PICALM: variants seen among roughly 807,000 people sequenced by gnomAD.
PICALM encodes the protein phosphatidylinositol-binding clathrin assembly protein.
In PICALM, 40 loss-of-function variants were observed where a neutral mutation model predicts 80.5. That is an observed-to-expected ratio of 0.50 (90% confidence interval 0.39 to 0.65). The LOEUF is 0.65. Among genes scored for constraint, PICALM ranks in the 30% least tolerant of loss-of-function variants. The pLI is 0.00. For missense variants in PICALM, 676 were observed against 778.9 expected (o/e 0.87, Z 1.57); for synonymous variants, 288 against 260.3 (o/e 1.11, Z -1.02).
At chr11:85,982,290 A>T (rs1565277974) in intron 14 of PICALM, 2 of 263,600 alleles carry the variant, frequency 7.6e-6, no homozygotes, top group South Asian at 1.3e-4. Flanking sequence ...GAAAAAAAAC[A>T]AATGTAATTC....
At chr11:86,049,052 G>A (rs901351989) in intron 1 of PICALM, among the ~76,000 whole-genome samples, 17 of 152,138 alleles carry the variant, frequency 1.1e-4, no homozygotes, top group Admixed American at 6.5e-4. Flanking sequence ...CAGCACTTTG[G>A]AAGACCAAGG....
At chr11:86,001,995 T>C (rs1307487598) in intron 9 of PICALM, among the ~76,000 whole-genome samples, 5 of 152,198 alleles carry the variant, frequency 3.3e-5, no homozygotes, top group Admixed American at 3.3e-4. Context: ...AAACTACCTT[T>C]TAAATTTTAT....
intron 9 of PICALM, 85 bp from the exon 10 acceptor site, chr11:86,001,243 C>A: frequency 7.8e-7 from 1 of 1,274,152 alleles, no homozygotes. Flanking sequence ...GGCAACCTTG[C>A]CATGGATAGG....
chr11:86,039,796 G>A (rs900605007), intron 1 of PICALM, among the ~76,000 whole-genome samples: 2 of 152,026 alleles, frequency 1.3e-5, no homozygotes, highest in Admixed American at 6.6e-5. Flanking sequence ...GAGGTCAGGA[G>A]AGCGAGACCA....
intron 1 of PICALM, among the ~76,000 whole-genome samples, chr11:86,037,259 A>ATTTTTTT (rs763255182): frequency 9.4e-6 from 1 of 106,044 alleles, no homozygotes; most frequent in Non-Finnish European, 1.8e-5. Context: ...AAAAAAGAAA[A>ATTTTTTT]TTTTTTTTTT....
intron 18 of PICALM, among the ~76,000 whole-genome samples, chr11:85,975,138 T>G (rs1223699407): frequency 6.6e-6 from 1 of 152,218 alleles, no homozygotes; most frequent in Admixed American, 6.5e-5. Context: ...TTATCAGGTT[T>G]AGACATCAAG....
intron 6 of PICALM, 147 bp from the exon 7 acceptor site, chr11:86,011,283 G>T (rs1308965416): frequency 1.1e-5 from 6 of 542,930 alleles, no homozygotes; most frequent in Non-Finnish European, 1.9e-5. Flanking sequence ...GTTAGCTTAG[G>T]TATTTAAAGC....
intron 14 of PICALM, among the ~76,000 whole-genome samples, chr11:85,982,707 G>C (rs1170175608): frequency 6.6e-6 from 1 of 151,496 alleles, no homozygotes; most frequent in African/African-American, 2.4e-5. Flanking sequence ...GATTACAGGC[G>C]TGAGCCACCG....
intron 1 of PICALM, among the ~76,000 whole-genome samples, chr11:86,047,135 T>C (rs576326159): frequency 6.6e-6 from 1 of 152,220 alleles, no homozygotes; most frequent in East Asian, 1.9e-4. Context: ...GCAGGATAGA[T>C]GAAGACACAC....
At chr11:86,059,705 T>G (rs548018550) in intron 1 of PICALM, among the ~76,000 whole-genome samples, 26 of 152,136 alleles carry the variant, frequency 1.7e-4, no homozygotes, top group Non-Finnish European at 3.8e-4. Flanking sequence ...AGAGTTACAG[T>G]AAGCCATGAT....
intron 16 of PICALM, among the ~76,000 whole-genome samples, 183 bp downstream of exon 16, chr11:85,981,562 G>A (rs1289968398): frequency 6.6e-6 from 1 of 151,470 alleles, no homozygotes; most frequent in Non-Finnish European, 1.5e-5. Flanking sequence ...GGCCGAGATT[G>A]CGCCACTGTA....
intron 7 of PICALM, among the ~76,000 whole-genome samples, chr11:86,009,495 C>T (rs1249967662): frequency 6.6e-6 from 1 of 151,734 alleles, no homozygotes; most frequent in Non-Finnish European, 1.5e-5. Flanking sequence ...AGTTCAAGAC[C>T]AGCCTGGCCA....
At chr11:86,003,636 T>C (rs537920849) in intron 8 of PICALM, 185 bp from the exon 9 acceptor site, 17 of 395,874 alleles carry the variant, frequency 4.3e-5, no homozygotes, top group Admixed American at 3.0e-4. Context: ...CGTGACCTAG[T>C]TGGAGATATT....
At chr11:86,058,752 C>T (rs942961889) in intron 1 of PICALM, among the ~76,000 whole-genome samples, 1 of 152,064 alleles carries the variant, frequency 6.6e-6, no homozygotes, top group African/African-American at 2.4e-5. Flanking sequence ...CTTCTTATAT[C>T]AAAAATGAGT....
intron 19 of PICALM, among the ~76,000 whole-genome samples, chr11:85,968,563 T>C (rs534480632): frequency 2.0e-5 from 3 of 152,300 alleles, no homozygotes; most frequent in Admixed American, 1.3e-4. Flanking sequence ...CAGAAGAAAA[T>C]TGAAACTATA....
chr11:86,022,287 T>G, intron 4 of PICALM, 80 bp downstream of exon 4: 1 of 770,068 alleles, frequency 1.3e-6, no homozygotes. Flanking sequence ...TAAAATTTCA[T>G]AATTCATAAT....
chr11:85,980,813 T>A (rs1405918900), intron 17 of PICALM, among the ~76,000 whole-genome samples: 1 of 152,234 alleles, frequency 6.6e-6, no homozygotes, highest in East Asian at 1.9e-4. Flanking sequence ...TTAATAACTC[T>A]GAGCCTCCAC....
intron 19 of PICALM, among the ~76,000 whole-genome samples, chr11:85,969,041 C>T (rs1348763536): frequency 1.3e-5 from 2 of 151,670 alleles, no homozygotes; most frequent in Non-Finnish European, 2.9e-5. Flanking sequence ...TTCAAAGCTA[C>T]AGCGCAGTCT....
In PICALM at chr11:86,067,008, G is replaced by A. The variant is rs1444851627; in HGVS notation, c.130+1643C>T. ...ACAAGCAAGGACTGAGAGTTTAAAA[G>A]CAGCCTGCATGCATATCTGAAAGAA... On this transcript the variant is annotated intron_variant, in intron 1 of 19. Coordinates refer to ENST00000393346, the MANE Select transcript of PICALM (RefSeq NM_007166.4). 8.5e-5 allele frequency among the ~76,000 whole-genome samples: 13 copies of A among 152,344 alleles called. No individual in the cohort carries two copies. The South Asian group carries it at 2.5e-3, about 29-fold the overall frequency.
Sources: gnomAD v4.1 joint callset for allele counts (sites outside exome capture counted in the v4.1 genomes callset) on GRCh38, gnomAD v4.1.1 for gene constraint, MANE v1.5 for transcripts, NCBI Gene and HGNC (gene_info 2026-07-23, HGNC 2026-07-21) for gene names.